Variants in SGCD observed in about 807,000 individuals in gnomAD.
SGCD encodes the protein sarcoglycan delta, also known as delta-sarcoglycan.
Under a neutral mutation model 36.6 loss-of-function variants are expected in SGCD, and 18 were observed. That is an observed-to-expected ratio of 0.49 (90% CI 0.34 to 0.73). The LOEUF (loss-of-function observed/expected upper bound fraction) is 0.73, where lower values mean the gene tolerates loss of function less well. Among genes scored for constraint, SGCD ranks in the 30% least tolerant of loss-of-function variants. The pLI, the probability that SGCD is intolerant of heterozygous loss-of-function variation, is 0.01. For synonymous variants in SGCD, 133 were observed against 130.6 expected (o/e 1.02, Z -0.12); for missense variants, 387 against 346.7 (o/e 1.12, Z -0.92).
chr5:156,544,991 T>C (rs1404786086), intron 4 of SGCD, among the ~76,000 whole-genome samples: 2 of 152,222 alleles, frequency 1.3e-5, no homozygotes, highest in African/African-American at 2.4e-5. Context: ...TGGCTAATCC[T>C]CTGAGTTGGG....
chr5:156,236,732 G>C (rs1187455371), intron 3 of SGCD, among the ~76,000 whole-genome samples: 1 of 152,034 alleles, frequency 6.6e-6, no homozygotes, highest in East Asian at 1.9e-4. Flanking sequence ...ACAGGTGTGA[G>C]CCACTGTGCC....
intron 4 of SGCD, among the ~76,000 whole-genome samples, chr5:156,568,901 C>T (rs547311732): frequency 2.8e-4 from 43 of 152,308 alleles, no homozygotes; most frequent in African/African-American, 8.9e-4. Flanking sequence ...GATCATATCA[C>T]GTACTGTAAT....
intron 3 of SGCD, among the ~76,000 whole-genome samples, chr5:156,351,058 A>T (rs578144250): frequency 6.6e-6 from 1 of 152,188 alleles, no homozygotes; most frequent in Non-Finnish European, 1.5e-5. Context: ...ACCCTGTGTC[A>T]TAGGTCACTT....
At chr5:156,636,265 G>T (rs1334416305) in intron 6 of SGCD, among the ~76,000 whole-genome samples, 1 of 152,228 alleles carries the variant, frequency 6.6e-6, no homozygotes, top group African/African-American at 2.4e-5. Context: ...ATCCAGTATT[G>T]CAGTGGTATA....
At chr5:156,070,160 A>G (rs1035008482) in intron 1 of SGCD, among the ~76,000 whole-genome samples, 20 of 149,270 alleles carry the variant, frequency 1.3e-4, no homozygotes, top group Admixed American at 1.3e-3. Flanking sequence ...AGAACTTCCA[A>G]CACTATGTTG....
chr5:156,275,060 G>A (rs1440370435), intron 3 of SGCD, among the ~76,000 whole-genome samples: 2 of 152,144 alleles, frequency 1.3e-5, no homozygotes, highest in Admixed American at 1.3e-4. Context: ...GTTAAAGGTT[G>A]ACAACTAATT....
chr5:156,034,258 T>C (rs1320485017), intron 1 of SGCD, among the ~76,000 whole-genome samples: 1 of 152,246 alleles, frequency 6.6e-6, no homozygotes, highest in Non-Finnish European at 1.5e-5. Flanking sequence ...CCAAGGGATT[T>C]GCTCTGAATT....
intron 3 of SGCD, among the ~76,000 whole-genome samples, chr5:156,230,595 G>A (rs1486739670): frequency 6.6e-6 from 1 of 152,120 alleles, no homozygotes; most frequent in Non-Finnish European, 1.5e-5. Context: ...GGGTCCTGCA[G>A]GAGCAGTCCG....
Position 156,021,036 on chromosome 5 carries a change from G to C in SGCD, c.-281-96842G>C, listed in dbSNP as rs574993680. ...ATCCACAAATTGTCTTTGCAATTCTGTTGGTTATTTTGCTTGAGGACATTT... is the reference window on the plus strand; with the variant it reads ...ATCCACAAATTGTCTTTGCAATTCTCTTGGTTATTTTGCTTGAGGACATTT... On this transcript the variant is annotated intron_variant, in intron 1 of 9. Coordinates refer to the SGCD transcript ENST00000517913. Among the ~76,000 whole-genome samples, 2 of 152,146 alleles carry C rather than the reference G, an allele frequency of 1.3e-5. 1 individual carries two copies. Among genetic ancestry groups the C allele is most frequent in the Admixed American group, 1.3e-4 (2 of 15,280 alleles).
At chr5:156,360,535 G>T (rs111629423) in intron 3 of SGCD, among the ~76,000 whole-genome samples, 75 of 151,980 alleles carry the variant, frequency 4.9e-4, no homozygotes, top group African/African-American at 1.7e-3. Context: ...GGCCTAATTG[G>T]TTTTTTTACA....
intron 3 of SGCD, among the ~76,000 whole-genome samples, chr5:156,390,523 G>T (rs1771509138): frequency 6.6e-6 from 1 of 152,172 alleles, no homozygotes; most frequent in African/African-American, 2.4e-5. Flanking sequence ...CTGAGGTCAG[G>T]AGTTCGAGAC....
At chr5:155,737,675 T>G in the SGCD span, among the ~76,000 whole-genome samples, 2 of 152,042 alleles carry the variant, frequency 1.3e-5, no homozygotes, top group African/African-American at 4.8e-5. Context: ...GCAGAGCCAG[T>G]GTAGAACTCA....
At chr5:156,256,884 G>A (rs1434507776) in intron 3 of SGCD, among the ~76,000 whole-genome samples, 1 of 152,030 alleles carries the variant, frequency 6.6e-6, no homozygotes, top group Non-Finnish European at 1.5e-5. Flanking sequence ...AATAATGTTG[G>A]ATAAAAAAAT....
rs1580834004 is a variant in SGCD, at chr5:156,333,771, G to A, written c.3+4192G>A. On this transcript the variant is annotated intron_variant, in intron 2 of 8. Coordinates refer to ENST00000337851, the MANE Select transcript of SGCD (RefSeq NM_000337.6). ...TGTCATTTATGTGTGCTTTCTTTAT[G>A]TTAGAAAAGTGATTTTTTTTTTTTT... 7.9e-5 allele frequency among the ~76,000 whole-genome samples: 3 copies of A among 37,922 alleles called. No homozygotes were observed. In the South Asian group the frequency reaches 3.2e-3, roughly 40 times the overall value. The allele number at this position is 37,922 out of a possible 152,430, so 24.9% of individuals were successfully genotyped here.
chr5:156,604,781 AT>A (rs1476156617), intron 6 of SGCD, among the ~76,000 whole-genome samples: 2 of 148,410 alleles, frequency 1.3e-5, no homozygotes, highest in African/African-American at 4.9e-5. Flanking sequence ...ATATATACAC[AT>A]TTTATATGTA....
chr5:156,087,373 T>G (rs1761123381), intron 1 of SGCD, among the ~76,000 whole-genome samples: 1 of 152,110 alleles, frequency 6.6e-6, no homozygotes. Context: ...GCACGGTGGC[T>G]CATACCTGTA....
chr5:156,173,431 T>A (rs1219442679), intron 3 of SGCD, among the ~76,000 whole-genome samples: 3 of 152,142 alleles, frequency 2.0e-5, no homozygotes, highest in Non-Finnish European at 4.4e-5. Context: ...CTTTTTGTTC[T>A]TAACAAAAAT....
chr5:155,939,635 ACT>A lies in SGCD; in HGVS notation c.-282+69219_-282+69220del, dbSNP rs1273280941. 1.1e-4 allele frequency among the ~76,000 whole-genome samples: 9 copies of A among 80,338 alleles called. No individual in the cohort carries two copies. In the South Asian group the frequency reaches 3.1e-3, roughly 27 times the overall value. The allele number at this position is 80,338 out of a possible 152,430, so 52.7% of individuals were successfully genotyped here. On this transcript the variant is annotated intron_variant, in intron 1 of 9. Coordinates refer to the SGCD transcript ENST00000517913. ...ACTCCAGCCTGGGTGACAGAGAGAGACTCTCTCTCAAAAAAAAAAAAAAATAA... is the reference window on the plus strand; with the variant it reads ...ACTCCAGCCTGGGTGACAGAGAGAGACTCTCTCAAAAAAAAAAAAAAATAA...
At chr5:156,346,782 A>T (rs5001590) in intron 3 of SGCD, among the ~76,000 whole-genome samples, 60,970 of 150,842 alleles carry the variant, frequency 0.4, 13,126 homozygotes, top group East Asian at 0.79. Context: ...GCTTTACTTT[A>T]TTTTTTTATT....
Sources: gnomAD v4.1 joint callset for allele counts (sites outside exome capture counted in the v4.1 genomes callset) on GRCh38, gnomAD v4.1.1 for gene constraint, MANE v1.5 for transcripts, NCBI Gene and HGNC (gene_info 2026-07-23, HGNC 2026-07-21) for gene names.